SYNPR: variants seen among roughly 807,000 people sequenced by gnomAD.
The protein encoded by SYNPR is synaptoporin.
In SYNPR, 23 loss-of-function variants were observed where a neutral mutation model predicts 32.9. The ratio of observed to expected loss-of-function variants is 0.70; its 90% CI spans 0.50 to 0.99. The LOEUF is 0.99. Ranked by LOEUF, SYNPR falls within the 50% of genes least tolerant of loss-of-function variation. The probability of loss-of-function intolerance (pLI) is 0.00; values close to 1 mark genes in which losing one functional copy is unlikely to be tolerated. For synonymous variants in SYNPR, 146 were observed against 135.9 expected (o/e 1.07, Z -0.52); for missense variants, 318 against 349.3 (o/e 0.91, Z 0.71).
At chr3:63,595,753 A>AAT (rs1157793396) in intron 4 of SYNPR, among the ~76,000 whole-genome samples, 1 of 44,770 alleles carries the variant, frequency 2.2e-5, no homozygotes. Flanking sequence ...ATATATATAT[A>AAT]TATATATATA....
At chr3:63,309,886 A>ACT (rs2086945852) in intron 2 of SYNPR, among the ~76,000 whole-genome samples, 1 of 151,984 alleles carries the variant, frequency 6.6e-6, no homozygotes, top group East Asian at 1.9e-4. Context: ...ATGCATATGC[A>ACT]TTGTGTGTAT....
chr3:63,548,668 G>C (rs911952421), intron 3 of SYNPR, among the ~76,000 whole-genome samples: 58 of 152,244 alleles, frequency 3.8e-4, no homozygotes, highest in African/African-American at 1.4e-3. Flanking sequence ...AATTGAAACA[G>C]GGCCTATCAA....
chr3:63,281,519 C>T (rs2086630257), intron 2 of SYNPR, among the ~76,000 whole-genome samples: 1 of 152,102 alleles, frequency 6.6e-6, no homozygotes, highest in Non-Finnish European at 1.5e-5. Context: ...CCATCAGATT[C>T]GTTGTTTAGT....
At chr3:63,481,737 T>A (rs1701051468) in intron 3 of SYNPR, among the ~76,000 whole-genome samples, 1 of 152,090 alleles carries the variant, frequency 6.6e-6, no homozygotes. Context: ...GACGTGCAAG[T>A]GCATGACTTC....
chr3:63,565,543 G>A lies in SYNPR; in HGVS notation c.408+8802G>A, dbSNP rs568291879. ...AAAAGGCCTTAATCCCATTCATGAG[G>A]GAGGGGCCCTCATGGTCTAATGACC... On this transcript the variant is annotated intron_variant, in intron 4 of 5. Transcript: ENST00000478300. Among the ~76,000 whole-genome samples, 8 of 152,298 alleles carry A rather than the reference G, an allele frequency of 5.3e-5. No homozygotes were observed. In the South Asian group the frequency reaches 1.7e-3, roughly 32 times the overall value.
chr3:63,544,844 T>C (rs1702372134), intron 3 of SYNPR, among the ~76,000 whole-genome samples: 1 of 151,970 alleles, frequency 6.6e-6, no homozygotes, highest in South Asian at 2.1e-4. Context: ...CCATGACAAG[T>C]ACAATATACT....
intron 2 of SYNPR, among the ~76,000 whole-genome samples, chr3:63,417,363 G>C (rs1481585098): frequency 1.3e-5 from 2 of 152,200 alleles, no homozygotes; most frequent in African/African-American, 2.4e-5. Context: ...GGCTTTGCAG[G>C]GTGCAGCCTC....
intron 2 of SYNPR, among the ~76,000 whole-genome samples, chr3:63,258,819 C>A (rs1343260268): frequency 2.6e-5 from 4 of 152,098 alleles, no homozygotes; most frequent in Non-Finnish European, 5.9e-5. Flanking sequence ...AATTGATAGA[C>A]CGCTAGCAAG....
intron 2 of SYNPR, among the ~76,000 whole-genome samples, chr3:63,355,857 A>G (rs960733053): frequency 6.6e-6 from 1 of 152,136 alleles, no homozygotes. Context: ...TCCTCATTGC[A>G]CACGTTCTCT....
At chr3:63,458,573 T>A (rs2106648957) in intron 2 of SYNPR, among the ~76,000 whole-genome samples, 1 of 152,252 alleles carries the variant, frequency 6.6e-6, no homozygotes, top group East Asian at 1.9e-4. Flanking sequence ...CTCTTACAGC[T>A]TAGGCTTGGA....
At chr3:63,595,948 G>GTTATATATATATAA (rs1559546741) in intron 4 of SYNPR, among the ~76,000 whole-genome samples, 26 of 104,424 alleles carry the variant, frequency 2.5e-4, no homozygotes, top group East Asian at 1.0e-3. Flanking sequence ...TATATATATA[G>GTTATATATATATAA]TTTTATATAT....
At chr3:63,239,914 C>G (rs1201787748) in intron 1 of SYNPR, among the ~76,000 whole-genome samples, 1 of 152,086 alleles carries the variant, frequency 6.6e-6, no homozygotes, top group African/African-American at 2.4e-5. Context: ...TGTCAAGCAA[C>G]TGTTTAACAA....
chr3:63,571,357 T>G (rs780129377), intron 4 of SYNPR, among the ~76,000 whole-genome samples: 1 of 152,206 alleles, frequency 6.6e-6, no homozygotes, highest in Non-Finnish European at 1.5e-5. Flanking sequence ...TACTTTTGCC[T>G]TTCTCTTTAA....
At chr3:63,251,813 C>T (rs61425498) in intron 1 of SYNPR, among the ~76,000 whole-genome samples, 1 of 152,122 alleles carries the variant, frequency 6.6e-6, no homozygotes, top group East Asian at 2.0e-4. Context: ...GCCCTATACC[C>T]TCTGTTCTAT....
intron 3 of SYNPR, among the ~76,000 whole-genome samples, chr3:63,490,748 G>GT (rs1192287087): frequency 6.6e-6 from 1 of 152,054 alleles, no homozygotes; most frequent in Non-Finnish European, 1.5e-5. Context: ...GACCCACTAG[G>GT]TTTTTTGTTT....
At chr3:63,375,999 C>T in intron 2 of SYNPR, among the ~76,000 whole-genome samples, 1 of 152,328 alleles carries the variant, frequency 6.6e-6, no homozygotes, top group East Asian at 1.9e-4. Flanking sequence ...AACCACTCAA[C>T]TAGACAAGCC....
At chr3:63,594,804 T>C (rs547787760) in intron 4 of SYNPR, among the ~76,000 whole-genome samples, 1 of 152,184 alleles carries the variant, frequency 6.6e-6, no homozygotes, top group South Asian at 2.1e-4. Context: ...ATCATCTCCT[T>C]AGAAACTGCT....
intron 4 of SYNPR, among the ~76,000 whole-genome samples, chr3:63,595,757 AT>A (rs1699934745): frequency 3.5e-4 from 11 of 31,004 alleles, no homozygotes; most frequent in African/African-American, 2.0e-3. Flanking sequence ...ATATATATAT[AT>A]ATATATATAT....
chr3:63,535,467 C>T (rs1428136995), intron 3 of SYNPR, among the ~76,000 whole-genome samples: 1 of 151,984 alleles, frequency 6.6e-6, no homozygotes, highest in Non-Finnish European at 1.5e-5. Flanking sequence ...ATATTTTTTA[C>T]CCTTGTGTCT....
Sources: allele counts gnomAD v4.1 joint callset (sites outside exome capture counted in the v4.1 genomes callset), GRCh38; gene constraint gnomAD v4.1.1; transcripts MANE v1.5; gene names NCBI Gene and HGNC (gene_info 2026-07-23, HGNC 2026-07-21).